LRP1B: variants seen among roughly 807,000 people sequenced by gnomAD.
LRP1B encodes the protein low-density lipoprotein receptor-related protein 1B.
A neutral mutation model predicts 556.6 loss-of-function variants in LRP1B; 217 were observed. The observed-to-expected ratio is 0.39, with a 90% CI of 0.35 to 0.44. LRP1B has a LOEUF of 0.44. Among genes scored for constraint, LRP1B ranks in the 20% least tolerant of loss-of-function variants. The pLI, the probability that LRP1B is intolerant of heterozygous loss-of-function variation, is 1.00. For synonymous variants in LRP1B, 2,047 were observed against 1,865.8 expected (o/e 1.10, Z -2.50); for missense variants, 5,053 against 5,620.8 (o/e 0.90, Z 3.23).
intron 60 of LRP1B, among the ~76,000 whole-genome samples, chr2:140,471,538 C>G (rs922204624): frequency 3.3e-5 from 5 of 152,086 alleles, no homozygotes; most frequent in African/African-American, 9.7e-5. Context: ...ATGCCACTAC[C>G]AGTATTTCTA....
At chr2:140,647,706 C>A in intron 41 of LRP1B, among the ~76,000 whole-genome samples, 1 of 152,124 alleles carries the variant, frequency 6.6e-6, no homozygotes, top group African/African-American at 2.4e-5. Context: ...CATCACAGGC[C>A]ATCAGAGAAA....
At chr2:140,366,308 C>T (rs1453597647) in intron 71 of LRP1B, among the ~76,000 whole-genome samples, 1 of 151,586 alleles carries the variant, frequency 6.6e-6, no homozygotes. Flanking sequence ...ACATAAACAT[C>T]GTACTCATTT....
At position 140,967,035 on chromosome 2, in the gene LRP1B, T is replaced by G. The variant is rs530612754; in HGVS notation, c.2888-15095A>C. On this transcript the variant is annotated intron_variant, in intron 18 of 90. Coordinates refer to ENST00000389484, the MANE Select transcript of LRP1B (RefSeq NM_018557.3). ...TGTCTTGGCAATGAGGGCTCTTTTT[T>G]GGTTCCATATGAACTTTAAAGTAGT... 6.4e-4 allele frequency among the ~76,000 whole-genome samples: 97 copies of G among 152,316 alleles called. 1 individual carries two copies. The highest frequency in any genetic ancestry group is 2.3e-3 in the African/African-American group (96 of 41,570).
rs574694348 is a variant in LRP1B at position 141,754,548 on chromosome 2, A to T, written c.205+55731T>A. On this transcript the variant is annotated intron_variant, in intron 2 of 90. Coordinates refer to ENST00000389484, the MANE Select transcript of LRP1B (RefSeq NM_018557.3). ...AGAACGCCATTCAGTGGCAACCAAC[A>T]TATAGGTATGTGTATGCAAATTGGT... 3.3e-5 allele frequency among the ~76,000 whole-genome samples: 5 copies of T among 152,300 alleles called. No individual in the cohort carries two copies. In the South Asian group the frequency reaches 1.0e-3, roughly 32 times the overall value.
intron 2 of LRP1B, among the ~76,000 whole-genome samples, chr2:141,801,303 T>G (rs1296495604): frequency 6.6e-6 from 1 of 152,148 alleles, no homozygotes; most frequent in East Asian, 1.9e-4. Context: ...TTCTATATAT[T>G]TTAGAGACAA....
chr2:141,752,201 T>C (rs1199296553), intron 2 of LRP1B, among the ~76,000 whole-genome samples: 1 of 152,198 alleles, frequency 6.6e-6, no homozygotes, highest in Non-Finnish European at 1.5e-5. Flanking sequence ...TAAATGTCTT[T>C]ATGCAGGAAG....
intron 89 of LRP1B, among the ~76,000 whole-genome samples, chr2:140,235,593 C>G (rs1368194058): frequency 6.6e-6 from 1 of 150,994 alleles, no homozygotes; most frequent in East Asian, 2.0e-4. Flanking sequence ...AATCAGTCAT[C>G]TAAGTCATAT....
intron 6 of LRP1B, among the ~76,000 whole-genome samples, chr2:141,223,028 T>C (rs1369246598): frequency 2.0e-5 from 3 of 152,114 alleles, no homozygotes; most frequent in Non-Finnish European, 4.4e-5. Flanking sequence ...AATTAGAAGT[T>C]CTGGCCAGGG....
rs5834770 is a variant in LRP1B, at chr2:140,716,833, GA to G, written c.5759-18del. On this transcript the variant is annotated intron_variant, in intron 35 of 90. Transcript: ENST00000389484. ...TATCATTTTCTATGGATAAGACACAGAAAAAAAATACATATACACACACTGT... is the reference window on the plus strand; with the variant it reads ...TATCATTTTCTATGGATAAGACACAGAAAAAAATACATATACACACACTGT... 4.9e-6 allele frequency: 7 copies of G among 1,440,804 alleles called. No individual in the cohort carries two copies. Among genetic ancestry groups the G allele is most frequent in the South Asian group, 1.2e-5 (1 of 83,612 alleles). The allele number at this position is 1,440,804 out of a possible 1,614,324, so 89.3% of individuals were successfully genotyped here. A position where few individuals can be genotyped will look rare whatever the true frequency, so the allele number is the denominator to read the frequency against.
chr2:140,235,733 G>T (rs1357034317), intron 89 of LRP1B, among the ~76,000 whole-genome samples: 2 of 150,946 alleles, frequency 1.3e-5, no homozygotes. Context: ...GAAAATTTTT[G>T]AATGTGTAAA....
intron 84 of LRP1B, among the ~76,000 whole-genome samples, chr2:140,280,221 T>C (rs1052095859): frequency 9.2e-5 from 14 of 151,824 alleles, no homozygotes; most frequent in African/African-American, 3.4e-4. Flanking sequence ...CAAATTTGTA[T>C]GTGAAATTTG....
intron 9 of LRP1B, 36 bp downstream of exon 9, chr2:141,058,847 C>A (rs372436226): frequency 2.6e-5 from 40 of 1,523,240 alleles, no homozygotes; most frequent in Non-Finnish European, 3.4e-5. Context: ...ATTCAATCTA[C>A]CATTAGGAAG....
At chr2:142,072,757 C>T (rs1318007522) in intron 1 of LRP1B, among the ~76,000 whole-genome samples, 2 of 151,988 alleles carry the variant, frequency 1.3e-5, no homozygotes, top group Admixed American at 1.3e-4. Flanking sequence ...CTTTTGTAAT[C>T]TACCTCACTG....
At chr2:140,948,259 G>A (rs1472931580) in intron 20 of LRP1B, among the ~76,000 whole-genome samples, 2 of 152,118 alleles carry the variant, frequency 1.3e-5, no homozygotes, top group African/African-American at 4.8e-5. Flanking sequence ...CCCACGAGGA[G>A]CCTTAAAAGA....
chr2:141,188,371 C>A, intron 7 of LRP1B, 50 bp downstream of exon 7: 1 of 1,554,734 alleles, frequency 6.4e-7, no homozygotes, highest in Non-Finnish European at 8.8e-7. Flanking sequence ...TCAATCTTTT[C>A]TTTTTAAACG....
At chr2:140,425,499 C>T (rs1472172809) in intron 66 of LRP1B, among the ~76,000 whole-genome samples, 1 of 152,100 alleles carries the variant, frequency 6.6e-6, no homozygotes, top group African/African-American at 2.4e-5. Flanking sequence ...CAACTTCCAC[C>T]TCCTGGGTTC....
At chr2:141,949,971 T>C (rs1280813613) in intron 1 of LRP1B, among the ~76,000 whole-genome samples, 1 of 152,148 alleles carries the variant, frequency 6.6e-6, no homozygotes, top group African/African-American at 2.4e-5. Context: ...AATTCAAGGT[T>C]GGTAAGCAAA....
At position 141,937,566 on chromosome 2, in the gene LRP1B, GATGT is replaced by G. The variant is rs1460628265; in HGVS notation, c.83-127169_83-127166del. On this transcript the variant is annotated intron_variant, in intron 1 of 90. Transcript: ENST00000389484. ...AGCAACACTACCTGAAATCCCAACA[GATGT>G]ATGTGTGTGTATGTGTGTGAGTGTT... 2.0e-5 allele frequency among the ~76,000 whole-genome samples: 3 copies of G among 151,462 alleles called. No homozygotes were observed. In the East Asian group the frequency reaches 5.8e-4, roughly 29 times the overall value.
chr2:141,519,081 A>G (rs1166005183), intron 2 of LRP1B, among the ~76,000 whole-genome samples: 7 of 152,064 alleles, frequency 4.6e-5, no homozygotes, highest in Admixed American at 3.9e-4. Context: ...TGGGCTTTTC[A>G]TAAGTTTACT....
Sources: gnomAD v4.1 joint callset for allele counts (sites outside exome capture counted in the v4.1 genomes callset) on GRCh38, gnomAD v4.1.1 for gene constraint, MANE v1.5 for transcripts, NCBI Gene and HGNC (gene_info 2026-07-23, HGNC 2026-07-21) for gene names.